The following NTRK3 variants were observed in gnomAD, a reference collection of about 807,000 sequenced individuals.
NTRK3 encodes NT-3 growth factor receptor.
In NTRK3, 24 loss-of-function variants were observed where a neutral mutation model predicts 91.7. That is an observed-to-expected ratio of 0.26 (90% CI 0.19 to 0.37). The LOEUF (loss-of-function observed/expected upper bound fraction) is 0.37. NTRK3 is among the 10% of genes least tolerant of loss of function. The probability of loss-of-function intolerance (pLI) is 1.00; values close to 1 mark genes in which losing one functional copy is unlikely to be tolerated. For synonymous variants in NTRK3, 483 were observed against 404.0 expected (o/e 1.20, Z -2.34); for missense variants, 880 against 1,068.9 (o/e 0.82, Z 2.46).
chr15:88,176,047 T>G (rs1399946471), intron 5 of NTRK3, among the ~76,000 whole-genome samples: 1 of 152,144 alleles, frequency 6.6e-6, no homozygotes, highest in South Asian at 2.1e-4. Context: ...CTCAGCAGGG[T>G]GATACTGCGA....
intron 14 of NTRK3, among the ~76,000 whole-genome samples, chr15:88,032,466 G>A (rs2078632096): frequency 6.6e-6 from 1 of 152,086 alleles, no homozygotes; most frequent in Non-Finnish European, 1.5e-5. Flanking sequence ...CCTCATGGAG[G>A]CTTGGGTGGA....
At chr15:88,033,790 C>T (rs935353287) in intron 13 of NTRK3, among the ~76,000 whole-genome samples, 2 of 152,162 alleles carry the variant, frequency 1.3e-5, no homozygotes, top group Admixed American at 1.3e-4. Flanking sequence ...TTCACTTTCT[C>T]CCAAGTCCAA....
At chr15:88,216,335 C>G (rs1431152683) in intron 3 of NTRK3, among the ~76,000 whole-genome samples, 1 of 152,212 alleles carries the variant, frequency 6.6e-6, no homozygotes, top group Non-Finnish European at 1.5e-5. Flanking sequence ...TCCTGGCCAT[C>G]CTGGGTACTG....
chr15:87,871,430 T>A (rs2141410597), exon 19 of NTRK3: 1 of 230,530 alleles, frequency 4.3e-6, no homozygotes, highest in African/African-American at 2.2e-5. Context: ...CAATCAATGA[T>A]CAAAATCTCA....
intron 13 of NTRK3, among the ~76,000 whole-genome samples, chr15:88,060,950 CTCCTCTT>C (rs1237166959): frequency 4.6e-5 from 7 of 152,074 alleles, no homozygotes; most frequent in Admixed American, 1.3e-4. Context: ...TGATGTTTCT[CTCCTCTT>C]TCCTCTTTCC....
chr15:88,190,589 A>G (rs1013885731), intron 3 of NTRK3, among the ~76,000 whole-genome samples: 1 of 151,922 alleles, frequency 6.6e-6, no homozygotes, highest in Non-Finnish European at 1.5e-5. Context: ...GCAGGCCATC[A>G]CCTCTTAAGC....
Position 87,957,028 on chromosome 15 carries a change from T to G in NTRK3, c.1586-16275A>C, listed in dbSNP as rs147403094. On this transcript the variant is annotated intron_variant, in intron 14 of 18. Transcript: ENST00000394480. Reference sequence around the variant, plus strand: ...GTATTGCCTCCTCACCCAATCCTCTTAGCTCCAGCCAACCCCACTCAACGT... The same window carrying G: ...GTATTGCCTCCTCACCCAATCCTCTGAGCTCCAGCCAACCCCACTCAACGT... 1.8e-4 allele frequency among the ~76,000 whole-genome samples: 28 copies of G among 152,266 alleles called. 1 individual carries two copies. In the East Asian group the frequency reaches 5.4e-3, roughly 29 times the overall value.
At chr15:88,171,442 C>T (rs913510877) in intron 5 of NTRK3, among the ~76,000 whole-genome samples, 1 of 152,146 alleles carries the variant, frequency 6.6e-6, no homozygotes, top group African/African-American at 2.4e-5. Context: ...TCCCCTTTAG[C>T]TTCTGCTCTC....
At chr15:88,122,088 A>G (rs2151070746) in intron 13 of NTRK3, among the ~76,000 whole-genome samples, 1 of 152,368 alleles carries the variant, frequency 6.6e-6, no homozygotes, top group East Asian at 1.9e-4. Context: ...ACATATGACA[A>G]GGAAATAAAG....
At chr15:88,183,014 C>A (rs35231042) in intron 5 of NTRK3, among the ~76,000 whole-genome samples, 5 of 125,682 alleles carry the variant, frequency 4.0e-5, no homozygotes, top group Non-Finnish European at 4.9e-5. Context: ...TTCTTGCAAC[C>A]CCCCCCCGCC....
At chr15:87,995,566 C>A (rs998297342) in intron 14 of NTRK3, among the ~76,000 whole-genome samples, 1 of 152,112 alleles carries the variant, frequency 6.6e-6, no homozygotes, top group Admixed American at 6.5e-5. Flanking sequence ...AGCTTGGGGG[C>A]AGATCATGAA....
chr15:88,159,046 C>A (rs2044190319), intron 5 of NTRK3, among the ~76,000 whole-genome samples: 1 of 152,208 alleles, frequency 6.6e-6, no homozygotes, highest in South Asian at 2.1e-4. Flanking sequence ...CTGCCCAGGG[C>A]GGGCACTGTC....
chr15:88,193,584 G>C (rs2047579452), intron 3 of NTRK3, among the ~76,000 whole-genome samples: 1 of 152,206 alleles, frequency 6.6e-6, no homozygotes, highest in Non-Finnish European at 1.5e-5. Context: ...CCAGGAGGCT[G>C]TGGTTCCAGT....
chr15:88,242,111 G>A (rs2052414933), intron 3 of NTRK3, among the ~76,000 whole-genome samples: 1 of 152,202 alleles, frequency 6.6e-6, no homozygotes, highest in Non-Finnish European at 1.5e-5. Flanking sequence ...ACACACTGAT[G>A]CGTGGCTTTC....
chr15:87,924,523 T>C (rs1198344170), intron 17 of NTRK3, among the ~76,000 whole-genome samples: 4 of 152,228 alleles, frequency 2.6e-5, no homozygotes, highest in Non-Finnish European at 5.9e-5. Context: ...CACTCTGTTC[T>C]GTCTCCTACC....
At chr15:87,993,809 G>C (rs1034297537) in intron 14 of NTRK3, among the ~76,000 whole-genome samples, 6 of 152,178 alleles carry the variant, frequency 3.9e-5, no homozygotes, top group African/African-American at 1.4e-4. Context: ...GTTCAGAGCT[G>C]GATAAAGGGA....
chr15:87,939,884 G>A (rs1464069414), intron 15 of NTRK3, among the ~76,000 whole-genome samples: 1 of 152,212 alleles, frequency 6.6e-6, no homozygotes, highest in African/African-American at 2.4e-5. Context: ...ACTGCTGGGT[G>A]GAAGAGTCTG....
rs116747774 is a variant in NTRK3 at position 88,207,200 on chromosome 15, T to C, written c.249-22901A>G. Among the ~76,000 whole-genome samples the C allele has an allele frequency of 4.2e-3, 636 of 152,230 alleles. 5 individuals carry two copies. Among genetic ancestry groups the C allele is most frequent in the African/African-American group, 0.014 (587 of 41,548 alleles). On this transcript the variant is annotated intron_variant, in intron 3 of 18. Transcript: ENST00000394480. The stretch of plus-strand genomic sequence containing the variant: ...ACAGGCTGGTTTCATGAGAAGGTGA[T>C]TGCTGGGACTATTATATTACCTGCC...
chr15:87,988,204 C>A (rs535347065), intron 14 of NTRK3, among the ~76,000 whole-genome samples: 1 of 152,296 alleles, frequency 6.6e-6, no homozygotes, highest in African/African-American at 2.4e-5. Context: ...CTGTGGTCTT[C>A]CTTCCCAATA....
Sources: gnomAD v4.1 joint callset for allele counts (sites outside exome capture counted in the v4.1 genomes callset) on GRCh38, gnomAD v4.1.1 for gene constraint, MANE v1.5 for transcripts, NCBI Gene and HGNC (gene_info 2026-07-23, HGNC 2026-07-21) for gene names.